Variants in ROBO1 observed in about 807,000 individuals in gnomAD.
The protein encoded by ROBO1 is roundabout homolog 1.
A neutral mutation model predicts 195.9 loss-of-function variants in ROBO1; 149 were observed. The observed-to-expected ratio is 0.76, with a 90% CI of 0.67 to 0.87. The LOEUF is 0.87. ROBO1 is among the 40% of genes least tolerant of loss of function. ROBO1 has a pLI of 0.00. For missense variants in ROBO1, 1,933 were observed against 2,068.3 expected (o/e 0.93, Z 1.27); for synonymous variants, 816 against 733.2 (o/e 1.11, Z -1.82).
chr3:78,744,174 T>C (rs545101195), intron 5 of ROBO1, among the ~76,000 whole-genome samples: 3 of 152,328 alleles, frequency 2.0e-5, no homozygotes, highest in Non-Finnish European at 4.4e-5. Flanking sequence ...CTATACCATT[T>C]CAGTTGAGCA....
chr3:79,284,544 A>G (rs1014239319), intron 2 of ROBO1, among the ~76,000 whole-genome samples: 7 of 152,202 alleles, frequency 4.6e-5, no homozygotes, highest in African/African-American at 1.7e-4. Context: ...CTGTATCTTT[A>G]TAGTCAAAAT....
chr3:78,778,988 A>G (rs1438129154), intron 4 of ROBO1, among the ~76,000 whole-genome samples: 1 of 152,206 alleles, frequency 6.6e-6, no homozygotes, highest in Non-Finnish European at 1.5e-5. Flanking sequence ...CAAACCTGAC[A>G]AAAACAAGCA....
intron 3 of ROBO1, among the ~76,000 whole-genome samples, chr3:78,967,758 T>A (rs1321820782): frequency 6.6e-6 from 1 of 152,178 alleles, no homozygotes; most frequent in African/African-American, 2.4e-5. Flanking sequence ...ATAAAAATAT[T>A]TCAACATTAT....
chr3:78,967,472 T>A (rs891425721), intron 3 of ROBO1, among the ~76,000 whole-genome samples: 4 of 152,026 alleles, frequency 2.6e-5, no homozygotes, highest in African/African-American at 9.7e-5. Flanking sequence ...TTGCCTCACA[T>A]CCATCTAACA....
intron 14 of ROBO1, among the ~76,000 whole-genome samples, chr3:78,666,554 G>A (rs758125022): frequency 1.3e-5 from 2 of 152,136 alleles, no homozygotes; most frequent in African/African-American, 2.4e-5. Flanking sequence ...CTTTACAAAT[G>A]TGTATCTAAT....
intron 1 of ROBO1, among the ~76,000 whole-genome samples, chr3:79,607,462 T>C (rs960789514): frequency 6.6e-6 from 1 of 151,698 alleles, no homozygotes; most frequent in East Asian, 1.9e-4. Context: ...AACTTAAGGG[T>C]ATCATTACTG....
At chr3:79,680,682 T>C (rs1253005385) in intron 1 of ROBO1, among the ~76,000 whole-genome samples, 1 of 150,278 alleles carries the variant, frequency 6.7e-6, no homozygotes, top group Non-Finnish European at 1.5e-5. Context: ...AAGTTTACAC[T>C]TTTTTTCCCA....
At chr3:79,447,092 G>A (rs2039285974) in intron 2 of ROBO1, among the ~76,000 whole-genome samples, 1 of 152,004 alleles carries the variant, frequency 6.6e-6, no homozygotes, top group African/African-American at 2.4e-5. Context: ...GCCTCCCAAA[G>A]TGCTGGGATT....
intron 4 of ROBO1, among the ~76,000 whole-genome samples, chr3:78,775,440 T>A (rs928211549): frequency 6.6e-6 from 1 of 152,312 alleles, no homozygotes; most frequent in South Asian, 2.1e-4. Context: ...ATAAGTCAAA[T>A]AATTGAAATA....
chr3:78,702,217 C>T (rs1481290741), intron 8 of ROBO1, among the ~76,000 whole-genome samples: 1 of 152,100 alleles, frequency 6.6e-6, no homozygotes, highest in Non-Finnish European at 1.5e-5. Flanking sequence ...TTCTATTCAG[C>T]CTAATGATTC....
intron 2 of ROBO1, among the ~76,000 whole-genome samples, chr3:79,576,926 C>T (rs66752471): frequency 0.091 from 13,875 of 152,160 alleles, 659 homozygotes; most frequent in Middle Eastern, 0.16. Context: ...TGGCCAACAT[C>T]GACTTGTTCC....
chr3:78,860,326 A>ATATTTTTT lies in ROBO1; in HGVS notation c.499+78274_499+78275insAAAAAATA, dbSNP rs376853384. On this transcript the variant is annotated intron_variant, in intron 4 of 30. Transcript: ENST00000464233. Reference sequence around the variant, plus strand: ...ACTATATATATATATATATATATATATTTTTTTTTTTTTACTCATAAGGTG... The same window carrying ATATTTTTT: ...ACTATATATATATATATATATATATATATTTTTTTTTTTTTTTTTTTACTCATAAGGTG... 3.2e-3 allele frequency among the ~76,000 whole-genome samples: 301 copies of ATATTTTTT among 93,520 alleles called. 3 individuals carry two copies. The highest frequency in any genetic ancestry group is 5.0e-3 in the Non-Finnish European group (249 of 50,202). 61.4% of individuals were successfully genotyped at this position (93,520 alleles called of 152,430 possible).
At chr3:79,562,846 G>A (rs370703521) in intron 2 of ROBO1, among the ~76,000 whole-genome samples, 17 of 151,772 alleles carry the variant, frequency 1.1e-4, no homozygotes, top group African/African-American at 3.9e-4. Flanking sequence ...CAAAACCTCC[G>A]GTAAATTCTG....
At chr3:79,412,952 A>G (rs976516182) in intron 2 of ROBO1, among the ~76,000 whole-genome samples, 1 of 126,588 alleles carries the variant, frequency 7.9e-6, no homozygotes, top group African/African-American at 3.1e-5. Context: ...TCTACTTCCC[A>G]TGGGCAAATG....
At chr3:78,946,335 T>C (rs983787426) in intron 3 of ROBO1, among the ~76,000 whole-genome samples, 2 of 152,136 alleles carry the variant, frequency 1.3e-5, no homozygotes, top group African/African-American at 4.8e-5. Flanking sequence ...TGGCAGAAAC[T>C]CTACAAGCTA....
chr3:79,002,820 T>TA (rs1260224430), intron 3 of ROBO1, among the ~76,000 whole-genome samples: 2 of 152,118 alleles, frequency 1.3e-5, no homozygotes, highest in Non-Finnish European at 2.9e-5. Flanking sequence ...CAAGTGAAGT[T>TA]TGCAGCTAAT....
rs546134857 is a variant in ROBO1 at position 79,737,916 on chromosome 3, C to G, written c.-51+29836G>C. Among the ~76,000 whole-genome samples, 3 of 152,292 alleles carry G rather than the reference C, an allele frequency of 2.0e-5. No homozygotes were observed. In the East Asian group the frequency reaches 5.8e-4, roughly 29 times the overall value. On this transcript the variant is annotated intron_variant, in intron 1 of 30. Coordinates refer to ENST00000464233, the MANE Select transcript of ROBO1 (RefSeq NM_002941.4). Reference sequence around the variant, plus strand: ...CTTGAGTTGCTTATTCCTTTCACCACCTATCTTCACATCTTATTCCCTCTA... The same window carrying G: ...CTTGAGTTGCTTATTCCTTTCACCAGCTATCTTCACATCTTATTCCCTCTA...
chr3:79,183,490 G>A (rs1270625293), intron 2 of ROBO1, among the ~76,000 whole-genome samples: 1 of 152,220 alleles, frequency 6.6e-6, no homozygotes, highest in East Asian at 1.9e-4. Context: ...CTGGAAACAT[G>A]TAGTTGAATT....
chr3:78,972,340 A>C (rs1044962016), intron 3 of ROBO1, among the ~76,000 whole-genome samples: 4 of 152,206 alleles, frequency 2.6e-5, no homozygotes. Context: ...AACGCTACAT[A>C]GTATAATCAT....
Sources: gnomAD v4.1 joint callset for allele counts (sites outside exome capture counted in the v4.1 genomes callset) on GRCh38, gnomAD v4.1.1 for gene constraint, MANE v1.5 for transcripts, NCBI Gene and HGNC (gene_info 2026-07-23, HGNC 2026-07-21) for gene names.